FAM237B: variants seen among roughly 807,000 people sequenced by gnomAD.
FAM237B encodes the protein family with sequence similarity 237 member B.
Position 90,318,012 on chromosome 7 carries a change from T to C in FAM237B, c.*1317A>G, listed in dbSNP as rs1178834000. The C allele has an allele frequency of 6.6e-6, 1 of 152,198 alleles. No individual in the cohort carries two copies. Among genetic ancestry groups the C allele is most frequent in the South Asian group, 2.1e-4 (1 of 4,832 alleles). The allele number at this position is 152,198 out of a possible 1,614,324, so 9.4% of individuals were successfully genotyped here. On this transcript the variant is annotated 3_prime_UTR_variant, in exon 3 of 3. Transcript: ENST00000692316. The stretch of plus-strand genomic sequence containing the variant: ...TATGGTTTGGTTTTTCTTATAAGCA[T>C]GTGAATCTTGAAACTGTTCATGTGT...
rs1181327665 is a variant in FAM237B at position 90,317,861 on chromosome 7, GA to G, written c.*1467del. The G allele has an allele frequency of 6.6e-6, 1 of 152,118 alleles. No individual in the cohort carries two copies. Among genetic ancestry groups the G allele is most frequent in the Non-Finnish European group, 1.5e-5 (1 of 67,996 alleles). 9.4% of individuals were successfully genotyped at this position (152,118 alleles called of 1,614,324 possible). A position where few individuals can be genotyped will look rare whatever the true frequency, so the allele number is the denominator to read the frequency against. ...AGTGTACTGGAATCAGACTGTAAAG[GA>G]GAGAATCTGTCATTGTAAGGATACT... On this transcript the variant is annotated 3_prime_UTR_variant, in exon 3 of 3. Transcript: ENST00000692316.
chr7:90,317,307 T>G lies in FAM237B; in HGVS notation c.*2022A>C, dbSNP rs1338934667. The G allele has an allele frequency of 6.6e-6, 1 of 152,138 alleles. No individual in the cohort carries two copies. Among genetic ancestry groups the G allele is most frequent in the Non-Finnish European group, 1.5e-5 (1 of 67,984 alleles). The allele number at this position is 152,138 out of a possible 1,614,324, so 9.4% of individuals were successfully genotyped here. Reference sequence around the variant, plus strand: ...AAATATGTTGAAATTTAAAAACTCATATCAGACTAATTATTTGTCATATAA... The same window carrying G: ...AAATATGTTGAAATTTAAAAACTCAGATCAGACTAATTATTTGTCATATAA... On this transcript the variant is annotated 3_prime_UTR_variant, in exon 3 of 3. Transcript: ENST00000692316.
intron 2 of FAM237B, 149 bp from the exon 3 acceptor site, chr7:90,319,900 A>T (rs747151445): frequency 1.8e-5 from 7 of 396,572 alleles, no homozygotes; most frequent in Non-Finnish European, 2.2e-5. Flanking sequence ...ATTACTGATT[A>T]TCACATCTTC....
rs1272148707 is a variant in FAM237B, at chr7:90,317,992, T to A, written c.*1337A>T. 6.6e-6 allele frequency: 1 copy of A among 152,184 alleles called. No homozygotes were observed. Among genetic ancestry groups the A allele is most frequent in the Non-Finnish European group, 1.5e-5 (1 of 68,008 alleles). 9.4% of individuals were successfully genotyped at this position (152,184 alleles called of 1,614,324 possible). On this transcript the variant is annotated 3_prime_UTR_variant, in exon 3 of 3. Transcript: ENST00000692316. ...GGCTGGACCTCTGTTGAACATATGGTTTGGTTTTTCTTATAAGCATGTGAA... is the reference window on the plus strand; with the variant it reads ...GGCTGGACCTCTGTTGAACATATGGATTGGTTTTTCTTATAAGCATGTGAA...
intron 2 of FAM237B, 128 bp from the exon 3 acceptor site, chr7:90,319,879 A>C (rs1795157916): frequency 1.0e-5 from 4 of 396,764 alleles, no homozygotes; most frequent in Non-Finnish European, 1.8e-5. Flanking sequence ...CTAGGTATTC[A>C]TTTTTTCTAA....
intron 2 of FAM237B, among the ~76,000 whole-genome samples, chr7:90,320,089 G>A (rs922001286): frequency 6.6e-6 from 1 of 152,146 alleles, no homozygotes; most frequent in Non-Finnish European, 1.5e-5. Context: ...TAGTGATACG[G>A]TTCCGCAAGT....
Position 90,317,418 on chromosome 7 carries a change from C to T in FAM237B, c.*1911G>A, listed in dbSNP as rs1347849695. 1 of 151,920 alleles carries T rather than the reference C, an allele frequency of 6.6e-6. No homozygotes were observed. The highest frequency in any genetic ancestry group is 1.5e-5 in the Non-Finnish European group (1 of 67,940). 9.4% of individuals were successfully genotyped at this position (151,920 alleles called of 1,614,324 possible). A position where few individuals can be genotyped will look rare whatever the true frequency, so the allele number is the denominator to read the frequency against. ...ATTTTTATGAGAACATTAATTAGCC[C>T]TACCCTCCAACCAGTTGATTTTCTG... On this transcript the variant is annotated 3_prime_UTR_variant, in exon 3 of 3. Transcript: ENST00000692316.
At position 90,319,126 on chromosome 7, in the gene FAM237B, C is replaced by A; in HGVS notation, c.*203G>T. ...AAACAAGGATAATTTTAATTATCTACCAAAGTGTATTATATTCCAAGATCA... is the reference window on the plus strand; with the variant it reads ...AAACAAGGATAATTTTAATTATCTAACAAAGTGTATTATATTCCAAGATCA... On this transcript the variant is annotated 3_prime_UTR_variant, in exon 3 of 3. Coordinates refer to ENST00000692316, the MANE Select transcript of FAM237B (RefSeq NM_001384237.2). 1.8e-5 allele frequency: 6 copies of A among 337,872 alleles called. No individual in the cohort carries two copies. Among genetic ancestry groups the A allele is most frequent in the Non-Finnish European group, 2.1e-5 (4 of 188,394 alleles). The allele number at this position is 337,872 out of a possible 1,614,324, so 20.9% of individuals were successfully genotyped here.
Position 90,317,087 on chromosome 7 carries a change from G to T in FAM237B, c.*2242C>A, listed in dbSNP as rs1794870838. ...ATGAATTCTAGGTGGATAGCTGTCA[G>T]GTCATTTTTTTTTTTTTAGACCAAA... is the stretch of plus-strand genomic sequence containing the variant. On this transcript the variant is annotated 3_prime_UTR_variant, in exon 3 of 3. Transcript: ENST00000692316. 1 of 151,490 alleles carries T rather than the reference G, an allele frequency of 6.6e-6. No homozygotes were observed. The highest frequency in any genetic ancestry group is 6.6e-5 in the Admixed American group (1 of 15,206). The allele number at this position is 151,490 out of a possible 1,614,324, so 9.4% of individuals were successfully genotyped here. A position where few individuals can be genotyped will look rare whatever the true frequency, so the allele number is the denominator to read the frequency against.
rs564805269 is a variant in FAM237B, at chr7:90,320,923, T to A, written c.-52A>T. 1 of 152,264 alleles carries A rather than the reference T, an allele frequency of 6.6e-6. No homozygotes were observed. The highest frequency in any genetic ancestry group is 1.5e-5 in the Non-Finnish European group (1 of 68,078). 9.4% of individuals were successfully genotyped at this position (152,264 alleles called of 1,614,324 possible). On this transcript the variant is annotated splice_region_variant and 5_prime_UTR_variant, in exon 1 of 3. Coordinates refer to ENST00000692316, the MANE Select transcript of FAM237B (RefSeq NM_001384237.2). ...GCCCCCAGCCCTGGGTCAGGTCACC[T>A]GGGCGCAGAAGAGGGAGGCCACGCG...
chr7:90,319,878 C>A (rs1795157304), intron 2 of FAM237B, 127 bp from the exon 3 acceptor site: 2 of 396,878 alleles, frequency 5.0e-6, no homozygotes, highest in Non-Finnish European at 8.9e-6. Context: ...ACTAGGTATT[C>A]ATTTTTTCTA....
rs1386785962 is a variant in FAM237B at position 90,319,617 on chromosome 7, A to T, written c.132T>A (p.Ile44=). 5.0e-6 allele frequency: 2 copies of T among 398,622 alleles called. No individual in the cohort carries two copies. Among genetic ancestry groups the T allele is most frequent in the South Asian group, 1.3e-4 (1 of 7,864 alleles). The allele number at this position is 398,622 out of a possible 1,614,324, so 24.7% of individuals were successfully genotyped here. ...ASISPGITKD[I]DLQCWKACSL... is the part of the protein sequence containing the mutation. ...AGCAAGCTTTCCAGCACTGGAGATC[A>T]ATGTCTTTGGTGATTCCTGGGCTGA... Residue 44 remains isoleucine, a synonymous_variant, in exon 3 of 3, where the codon ATT becomes ATA. Coordinates refer to ENST00000692316, the MANE Select transcript of FAM237B (RefSeq NM_001384237.2).
chr7:90,319,705 C>T lies in FAM237B; in HGVS notation c.44G>A (p.Cys15Tyr). 2.5e-6 allele frequency: 1 copy of T among 398,484 alleles called. No individual in the cohort carries two copies. Among genetic ancestry groups the T allele is most frequent in the Non-Finnish European group, 4.4e-6 (1 of 226,032 alleles). The allele number at this position is 398,484 out of a possible 1,614,324, so 24.7% of individuals were successfully genotyped here. A position where few individuals can be genotyped will look rare whatever the true frequency, so the allele number is the denominator to read the frequency against. Reference sequence around the variant, plus strand: ...ATTAACCAGATTGATCAGCATCATGCAGCCCAAATGTAGATAGAACCATCT... The same window carrying T: ...ATTAACCAGATTGATCAGCATCATGTAGCCCAAATGTAGATAGAACCATCT... ...TRRWFYLHLG[C>Y]MMLINLVNAD... Residue 15 changes from cysteine (C) to tyrosine (Y), a missense_variant, in exon 3 of 3, where the codon TGC (cysteine) becomes TAC (tyrosine). Cys to Tyr is a radical substitution (Grantham distance 194, BLOSUM62 -2). Transcript: ENST00000692316.
rs778925842 is a variant in FAM237B at position 90,319,709 on chromosome 7, C to T, written c.40G>A (p.Gly14Ser). 2 of 398,200 alleles carry T rather than the reference C, an allele frequency of 5.0e-6. No individual in the cohort carries two copies. Among genetic ancestry groups the T allele is most frequent in the Non-Finnish European group, 8.8e-6 (2 of 225,994 alleles). 24.7% of individuals were successfully genotyped at this position (398,200 alleles called of 1,614,324 possible). A position where few individuals can be genotyped will look rare whatever the true frequency, so the allele number is the denominator to read the frequency against. The change falls in exon 3 of 3, where the codon GGC becomes AGC. Residue 14 changes from glycine to serine, a missense_variant. Coordinates refer to ENST00000692316, the MANE Select transcript of FAM237B (RefSeq NM_001384237.2). ...ATRRWFYLHL[G>S]CMMLINLVNA... ...ACCAGATTGATCAGCATCATGCAGC[C>T]CAAATGTAGATAGAACCATCTTCTT... is the stretch of plus-strand genomic sequence containing the variant.
chr7:90,320,975 C>T lies in FAM237B; in HGVS notation c.-104G>A, dbSNP rs565763661. ...GAGTCGAGGACCTCTGGTCGCCGTC[C>T]GAGGAGCGCGTCCCGGCGCGGTGTC... is the stretch of plus-strand genomic sequence containing the variant. On this transcript the variant is annotated 5_prime_UTR_variant, in exon 1 of 3. Coordinates refer to ENST00000692316, the MANE Select transcript of FAM237B (RefSeq NM_001384237.2). The T allele has an allele frequency of 6.6e-6, 1 of 152,016 alleles. No homozygotes were observed. Among genetic ancestry groups the T allele is most frequent in the African/African-American group, 2.4e-5 (1 of 41,358 alleles). 9.4% of individuals were successfully genotyped at this position (152,016 alleles called of 1,614,324 possible). A position where few individuals can be genotyped will look rare whatever the true frequency, so the allele number is the denominator to read the frequency against.
chr7:90,318,081 C>G lies in FAM237B; in HGVS notation c.*1248G>C, dbSNP rs1287067149. On this transcript the variant is annotated 3_prime_UTR_variant, in exon 3 of 3. Transcript: ENST00000692316. ...GTGGGAAACAGACCAAATTTATAGG[C>G]ACCCTTTATCAAAGGTATAGGCTTT... is the stretch of plus-strand genomic sequence containing the variant. 6.6e-6 allele frequency: 1 copy of G among 152,178 alleles called. No homozygotes were observed. Among genetic ancestry groups the G allele is most frequent in the Non-Finnish European group, 1.5e-5 (1 of 67,998 alleles). The allele number at this position is 152,178 out of a possible 1,614,324, so 9.4% of individuals were successfully genotyped here.
chr7:90,319,598 C>A lies in FAM237B; in HGVS notation c.151G>T (p.Ala51Ser), dbSNP rs1272410485. Residue 51 changes from alanine (A) to serine (S), a missense_variant, in exon 3 of 3, where the codon GCT becomes TCT. Transcript: ENST00000692316. ...AGATCTATCAATGTCAAAGAGCAAGCTTTCCAGCACTGGAGATCAATGTCT... is the reference window on the plus strand; with the variant it reads ...AGATCTATCAATGTCAAAGAGCAAGATTTCCAGCACTGGAGATCAATGTCT... ...TKDIDLQCWK[A>S]CSLTLIDLKE... 2.5e-6 allele frequency: 1 copy of A among 398,588 alleles called. No individual in the cohort carries two copies. Among genetic ancestry groups the A allele is most frequent in the Non-Finnish European group, 4.4e-6 (1 of 226,062 alleles). 24.7% of individuals were successfully genotyped at this position (398,588 alleles called of 1,614,324 possible).
At position 90,319,444 on chromosome 7, in the gene FAM237B, A is replaced by G. The variant is rs1007103280; in HGVS notation, c.305T>C (p.Val102Ala). The change falls in exon 3 of 3, where the codon GTA (valine) becomes GCA (alanine). Residue 102 changes from valine to alanine, a missense_variant. Transcript: ENST00000692316. ...ATGAGATCTTGAAAGCAAGCAGTCT[A>G]CATACATGTCCCAGAAATCCTGAGC... ...NIAQDFWDMY[V>A]DCLLSRSHGM... 7.5e-6 allele frequency: 3 copies of G among 398,524 alleles called. No individual in the cohort carries two copies. Among genetic ancestry groups the G allele is most frequent in the African/African-American group, 6.2e-5 (3 of 48,652 alleles). The allele number at this position is 398,524 out of a possible 1,614,324, so 24.7% of individuals were successfully genotyped here. A position where few individuals can be genotyped will look rare whatever the true frequency, so the allele number is the denominator to read the frequency against.
intron 2 of FAM237B, among the ~76,000 whole-genome samples, chr7:90,320,190 C>T (rs1363036703): frequency 6.6e-6 from 1 of 152,188 alleles, no homozygotes; most frequent in African/African-American, 2.4e-5. Context: ...CTACATGTAA[C>T]ATAGGAAGTA....
Sources: allele counts gnomAD v4.1 joint callset (sites outside exome capture counted in the v4.1 genomes callset), GRCh38; gene constraint gnomAD v4.1.1; transcripts MANE v1.5; gene names NCBI Gene and HGNC (gene_info 2026-07-23, HGNC 2026-07-21).